Variants in WWOX observed in about 807,000 individuals in gnomAD.
WWOX encodes WW domain containing oxidoreductase.
In WWOX, 69 loss-of-function variants were observed where a neutral mutation model predicts 46.2. That is an observed-to-expected ratio of 1.49 (90% CI 1.23 to 1.82). The LOEUF (loss-of-function observed/expected upper bound fraction) is 1.82. Ranked by LOEUF, WWOX falls within the 40% of genes most tolerant of loss-of-function variation. The pLI is 0.00. For synonymous variants in WWOX, 359 were observed against 202.6 expected (o/e 1.77, Z -6.56); for missense variants, 919 against 542.6 (o/e 1.69, Z -6.89).
chr16:78,772,288 C>T (rs759373013), intron 8 of WWOX, among the ~76,000 whole-genome samples: 3 of 152,158 alleles, frequency 2.0e-5, no homozygotes, highest in Non-Finnish European at 4.4e-5. Flanking sequence ...TGAGGCCATG[C>T]AGTATTTGAT....
At chr16:78,812,442 C>A (rs533114363) in intron 8 of WWOX, among the ~76,000 whole-genome samples, 1 of 152,090 alleles carries the variant, frequency 6.6e-6, no homozygotes, top group African/African-American at 2.4e-5. Flanking sequence ...ACATATCTGA[C>A]TGGGCATGGT....
intron 8 of WWOX, among the ~76,000 whole-genome samples, chr16:78,849,746 T>A: frequency 6.6e-6 from 1 of 151,776 alleles, no homozygotes. Flanking sequence ...TTTATATTGT[T>A]CTTACCTGAG....
intron 8 of WWOX, among the ~76,000 whole-genome samples, chr16:78,940,523 C>A (rs1377401212): frequency 6.6e-6 from 1 of 152,106 alleles, no homozygotes; most frequent in African/African-American, 2.4e-5. Context: ...TACATCATTT[C>A]CATCGACATC....
chr16:79,113,425 G>T (rs1259159773), intron 8 of WWOX, among the ~76,000 whole-genome samples: 1 of 152,210 alleles, frequency 6.6e-6, no homozygotes, highest in Non-Finnish European at 1.5e-5. Context: ...CTGCTCTCAG[G>T]ACATTCACAT....
At chr16:78,773,628 CCT>C (rs1161495248) in intron 8 of WWOX, among the ~76,000 whole-genome samples, 1 of 152,160 alleles carries the variant, frequency 6.6e-6, no homozygotes, top group African/African-American at 2.4e-5. Flanking sequence ...AGTGCAGGTG[CCT>C]CTCATTGTTT....
In WWOX at chr16:78,455,763, T is replaced by A. The variant is rs117500231; in HGVS notation, c.1056+23011T>A. Among the ~76,000 whole-genome samples the A allele has an allele frequency of 1.6e-4, 24 of 150,656 alleles. No individual in the cohort carries two copies. In the East Asian group the frequency reaches 4.3e-3, roughly 27 times the overall value. On this transcript the variant is annotated intron_variant, in intron 8 of 8. Coordinates refer to ENST00000566780, the MANE Select transcript of WWOX (RefSeq NM_016373.4). ...AAAGGTTCAAGTAATGAACATGAAT[T>A]TGTAATGATGCCTGGGGGAGGTGAA...
intron 5 of WWOX, among the ~76,000 whole-genome samples, chr16:78,215,027 G>A (rs1452394109): frequency 6.6e-6 from 1 of 152,222 alleles, no homozygotes; most frequent in Non-Finnish European, 1.5e-5. Flanking sequence ...ATGGGCCAAA[G>A]TTCAGTGGTT....
intron 8 of WWOX, among the ~76,000 whole-genome samples, chr16:78,444,690 C>T (rs924651716): frequency 4.6e-5 from 7 of 151,884 alleles, no homozygotes; most frequent in African/African-American, 4.8e-5. Context: ...GCCACCACAC[C>T]CGGCTAATTT....
At chr16:78,547,146 A>AAC (rs2044057049) in intron 8 of WWOX, among the ~76,000 whole-genome samples, 3 of 146,500 alleles carry the variant, frequency 2.0e-5, no homozygotes, top group East Asian at 2.0e-4. Flanking sequence ...AAAAAAAAAA[A>AAC]AAAAAAAAAA....
chr16:78,109,513 C>T (rs1016087867), intron 2 of WWOX, among the ~76,000 whole-genome samples: 5 of 152,166 alleles, frequency 3.3e-5, no homozygotes, highest in African/African-American at 9.7e-5. Context: ...CATGGATTGG[C>T]ACAACCAGTA....
intron 5 of WWOX, among the ~76,000 whole-genome samples, chr16:78,383,681 C>A (rs1188866630): frequency 6.6e-6 from 1 of 152,188 alleles, no homozygotes; most frequent in Admixed American, 6.5e-5. Flanking sequence ...CATATGCACA[C>A]CCTAATTTAA....
chr16:78,163,292 T>C (rs2034858283), intron 4 of WWOX, among the ~76,000 whole-genome samples: 1 of 152,198 alleles, frequency 6.6e-6, no homozygotes, highest in South Asian at 2.1e-4. Context: ...TTAATCAAAC[T>C]AGGAATTGAA....
At chr16:78,970,196 C>T (rs1165146110) in intron 8 of WWOX, among the ~76,000 whole-genome samples, 5 of 152,154 alleles carry the variant, frequency 3.3e-5, no homozygotes, top group Admixed American at 6.5e-5. Context: ...TTAATGCCCC[C>T]TTTGAAAGCC....
At chr16:79,151,464 G>A (rs1300278721) in intron 8 of WWOX, among the ~76,000 whole-genome samples, 1 of 152,220 alleles carries the variant, frequency 6.6e-6, no homozygotes, top group Non-Finnish European at 1.5e-5. Flanking sequence ...GCATTGGCAG[G>A]AGGTGGCAGA....
chr16:78,956,380 C>T (rs2046167137), intron 8 of WWOX, among the ~76,000 whole-genome samples: 1 of 152,096 alleles, frequency 6.6e-6, no homozygotes, highest in African/African-American at 2.4e-5. Context: ...GTCTCTAACT[C>T]CTGACCTCAA....
chr16:78,300,579 C>T (rs182567643), intron 5 of WWOX, among the ~76,000 whole-genome samples: 11 of 151,968 alleles, frequency 7.2e-5, no homozygotes, highest in African/African-American at 2.7e-4. Flanking sequence ...CTTCCTTTCG[C>T]ATCTGACATC....
intron 8 of WWOX, chr16:79,205,298 C>A (rs556917334): frequency 6.6e-6 from 1 of 152,220 alleles, no homozygotes; most frequent in East Asian, 1.9e-4. Flanking sequence ...GTCATAGACA[C>A]TGTCCCTAGT....
At chr16:79,108,691 C>G (rs1055225905) in intron 8 of WWOX, among the ~76,000 whole-genome samples, 4 of 152,062 alleles carry the variant, frequency 2.6e-5, no homozygotes, top group African/African-American at 9.7e-5. Flanking sequence ...TGCTTGAGCC[C>G]AGGAGTTTGA....
At chr16:78,923,726 A>G (rs1049957644) in intron 8 of WWOX, among the ~76,000 whole-genome samples, 1 of 146,474 alleles carries the variant, frequency 6.8e-6, no homozygotes. Context: ...TGCCTTGGAA[A>G]TGTCAAAAGG....
Sources: gnomAD v4.1 joint callset for allele counts (sites outside exome capture counted in the v4.1 genomes callset) on GRCh38, gnomAD v4.1.1 for gene constraint, MANE v1.5 for transcripts, NCBI Gene and HGNC (gene_info 2026-07-23, HGNC 2026-07-21) for gene names.